SVEP1: variants seen among roughly 807,000 people sequenced by gnomAD.
SVEP1 encodes sushi, von Willebrand factor type A, EGF and pentraxin domain-containing protein 1.
Under a neutral mutation model 367.3 loss-of-function variants are expected in SVEP1, and 164 were observed. The ratio of observed to expected loss-of-function variants is 0.45; its 90% CI spans 0.39 to 0.51. The LOEUF is 0.51. Among genes scored for constraint, SVEP1 ranks in the 20% least tolerant of loss-of-function variants. The pLI, the probability that SVEP1 is intolerant of heterozygous loss-of-function variation, is 0.00. For synonymous variants in SVEP1, 1,666 were observed against 1,611.6 expected (o/e 1.03, Z -0.81); for missense variants, 4,117 against 4,425.3 (o/e 0.93, Z 1.98).
intron 3 of SVEP1, among the ~76,000 whole-genome samples, chr9:110,545,358 G>A (rs1830206675): frequency 6.6e-6 from 1 of 152,098 alleles, no homozygotes; most frequent in Non-Finnish European, 1.5e-5. Context: ...TTTCCATAAT[G>A]GCTATGCTAA....
chr9:110,367,966 A>G (rs1827223590), intron 47 of SVEP1, among the ~76,000 whole-genome samples: 1 of 152,178 alleles, frequency 6.6e-6, no homozygotes, highest in South Asian at 2.1e-4. Context: ...CTGTAGTCCC[A>G]GCTACTCAGG....
chr9:110,528,156 G>GTATGTATA (rs1554721448), intron 3 of SVEP1, among the ~76,000 whole-genome samples: 1 of 33,940 alleles, frequency 2.9e-5, no homozygotes, highest in African/African-American at 1.1e-4. Flanking sequence ...GTGTGTGTGT[G>GTATGTATA]TATATATATA....
In SVEP1 at chr9:110,469,077, T is replaced by C. The variant is rs773177245; in HGVS notation, c.3023A>G (p.Tyr1008Cys). 24 of 1,613,144 alleles carry C rather than the reference T, an allele frequency of 1.5e-5. No homozygotes were observed. The South Asian group carries it at 2.5e-4, about 17-fold the overall frequency. ...MCVNCPLGTY[Y>C]NLEHFTCESC... Reference sequence around the variant, plus strand: ...TTCACAGGTGAAATGTTCCAGATTATAATAGGTTCCCAAAGGGCAATTGAC... The same window carrying C: ...TTCACAGGTGAAATGTTCCAGATTACAATAGGTTCCCAAAGGGCAATTGAC... Residue 1008 changes from tyrosine (Y) to cysteine (C), a missense_variant, in exon 17 of 48, where the codon TAT (tyrosine) becomes TGT (cysteine). Around this residue, in one of 4 missense-constraint regions of SVEP1, gnomAD observed 2,174 missense variants for 2,494.3 expected, o/e 0.87. Coordinates refer to ENST00000374469, the MANE Select transcript of SVEP1 (RefSeq NM_153366.4).
At position 110,404,535 on chromosome 9, in the gene SVEP1, G is replaced by T; in HGVS notation, c.9458C>A (p.Thr3153Lys). 6.2e-7 allele frequency: 1 copy of T among 1,613,892 alleles called. No homozygotes were observed. The highest frequency in any genetic ancestry group is 8.5e-7 in the Non-Finnish European group (1 of 1,179,864). ...GAATGTATCTGTATCTGTATCCATCGTATAACCTTCCAGACATCTGCAATG... is the reference window on the plus strand; with the variant it reads ...GAATGTATCTGTATCTGTATCCATCTTATAACCTTCCAGACATCTGCAATG... ...EVKLRCLEGY[T>K]MDTDTDTFTC... The change falls in exon 39 of 48, where the codon ACG (threonine) becomes AAG (lysine). Residue 3153 changes from threonine (T) to lysine (K), a missense_variant. Physicochemically the swap from Thr to Lys is moderately conservative, Grantham distance 78 (BLOSUM62 -1). This residue lies in a region of SVEP1 where 1,765 missense variants were observed against 1,781.1 expected (regional missense o/e 0.99). Transcript: ENST00000374469.
In SVEP1 at chr9:110,375,465, T is replaced by TAAA. The variant is rs71373993; in HGVS notation, c.10505-5_10505-3dup. 6,616 of 553,766 alleles carry TAAA rather than the reference T, an allele frequency of 0.012. 350 individuals are homozygous for TAAA. Among genetic ancestry groups the TAAA allele is most frequent in the South Asian group, 0.018 (705 of 38,796 alleles). The allele number at this position is 553,766 out of a possible 1,614,324, so 34.3% of individuals were successfully genotyped here. On this transcript the variant is annotated splice_region_variant and splice_polypyrimidine_tract_variant and intron_variant, in intron 45 of 47. Transcript: ENST00000374469. ...TCAGACAGGGAAGAATGCAGATTGC[T>TAAA]AAAAAAAAAAAAAAAAAAAAAAAAA...
At chr9:110,441,594 G>C (rs918790899) in intron 27 of SVEP1, among the ~76,000 whole-genome samples, 1 of 152,232 alleles carries the variant, frequency 6.6e-6, no homozygotes, top group East Asian at 1.9e-4. Context: ...GGATCTGTCT[G>C]TATGTTTCAT....
chr9:110,488,485 T>C (rs1829319244), intron 9 of SVEP1, among the ~76,000 whole-genome samples: 1 of 150,908 alleles, frequency 6.6e-6, no homozygotes, highest in Non-Finnish European at 1.5e-5. Context: ...GTAAAAATAA[T>C]GGAGGGAAAA....
chr9:110,390,024 T>TAC lies in SVEP1; in HGVS notation c.9823-438_9823-437insGT, dbSNP rs1827605582. Among the ~76,000 whole-genome samples the TAC allele has an allele frequency of 5.6e-5, 6 of 107,920 alleles. No homozygotes were observed. The South Asian group carries it at 2.2e-3, about 39-fold the overall frequency. The allele number at this position is 107,920 out of a possible 152,430, so 70.8% of individuals were successfully genotyped here. On this transcript the variant is annotated intron_variant, in intron 40 of 47. Transcript: ENST00000374469. ...ATGTATACACATAAGTGTGTGTGTGTGTGTATATATATATAAGTATATATA... is the reference window on the plus strand; with the variant it reads ...ATGTATACACATAAGTGTGTGTGTGTACGTGTATATATATATAAGTATATATA...
chr9:110,450,533 G>A (rs528546937), intron 23 of SVEP1, among the ~76,000 whole-genome samples: 1 of 144,342 alleles, frequency 6.9e-6, no homozygotes, highest in Non-Finnish European at 1.5e-5. Context: ...ACAGTGGCGC[G>A]ATCTCGGCTC....
chr9:110,385,781 G>A, intron 43 of SVEP1, 117 bp downstream of exon 43: 1 of 1,078,876 alleles, frequency 9.3e-7, no homozygotes, highest in Non-Finnish European at 1.3e-6. Flanking sequence ...GATGATAACT[G>A]TGATAGCACA....
chr9:110,423,602 T>C (rs1828209135), intron 36 of SVEP1, among the ~76,000 whole-genome samples: 1 of 152,026 alleles, frequency 6.6e-6, no homozygotes, highest in Non-Finnish European at 1.5e-5. Context: ...TATGGAAAAA[T>C]GTCTTAAGCC....
chr9:110,394,396 T>C (rs1037079533), intron 40 of SVEP1, among the ~76,000 whole-genome samples: 1 of 151,740 alleles, frequency 6.6e-6, no homozygotes. Context: ...ACCACAAAGA[T>C]GGGAAAAAAA....
At chr9:110,428,192 A>G (rs1828283012) in intron 35 of SVEP1, among the ~76,000 whole-genome samples, 1 of 152,162 alleles carries the variant, frequency 6.6e-6, no homozygotes, top group African/African-American at 2.4e-5. Context: ...CATTTGAACC[A>G]TGCTGCCCCT....
chr9:110,564,109 C>T lies in SVEP1; in HGVS notation c.532-14005G>A, dbSNP rs145591535. On this transcript the variant is annotated intron_variant, in intron 1 of 47. Coordinates refer to ENST00000374469, the MANE Select transcript of SVEP1 (RefSeq NM_153366.4). ...TTGATTGACTGGACTGCAAAAAATA[C>T]GAGCTACGAAGAGAAGAAATAATTT... 1.4e-4 allele frequency among the ~76,000 whole-genome samples: 21 copies of T among 152,212 alleles called. No individual in the cohort carries two copies. The East Asian group carries it at 1.7e-3, about 13-fold the overall frequency.
At chr9:110,444,558 G>A (rs553887086) in intron 26 of SVEP1, among the ~76,000 whole-genome samples, 1 of 152,308 alleles carries the variant, frequency 6.6e-6, no homozygotes, top group Non-Finnish European at 1.5e-5. Flanking sequence ...GAAACAACAA[G>A]GATGGCCAGC....
chr9:110,367,201 C>T (rs550605325), intron 47 of SVEP1, among the ~76,000 whole-genome samples: 127 of 152,296 alleles, frequency 8.3e-4, no homozygotes, highest in African/African-American at 3.0e-3. Flanking sequence ...ACTCTGTTGC[C>T]GAGGCTAGAG....
At chr9:110,401,073 TG>T in intron 39 of SVEP1, 64 bp from the exon 40 acceptor site, 1 of 1,577,496 alleles carries the variant, frequency 6.3e-7, no homozygotes, top group Admixed American at 1.9e-5. Context: ...TGAAGAAATT[TG>T]CAAATATTGG....
In SVEP1 at chr9:110,380,489, T is replaced by G. The variant is rs562429989; in HGVS notation, c.10238-972A>C. On this transcript the variant is annotated intron_variant, in intron 43 of 47. Transcript: ENST00000374469. ...AGAAATCAGAAGGAAATAAATGAAT[T>G]ATGTTTATTGATTTGCATATGTTAA... Among the ~76,000 whole-genome samples the G allele has an allele frequency of 3.3e-4, 50 of 152,230 alleles. 1 individual carries two copies. The South Asian group carries it at 0.01, about 31-fold the overall frequency.
At chr9:110,423,836 A>G (rs140214500) in intron 36 of SVEP1, among the ~76,000 whole-genome samples, 9 of 152,356 alleles carry the variant, frequency 5.9e-5, no homozygotes, top group Non-Finnish European at 1.5e-5. Flanking sequence ...CATCCCTAGA[A>G]TAAGAAATAT....
Sources: gnomAD v4.1 joint callset for allele counts (sites outside exome capture counted in the v4.1 genomes callset) on GRCh38, gnomAD v4.1.1 for gene constraint, gnomAD v4.1.1 regional missense constraint, MANE v1.5 for transcripts, NCBI Gene and HGNC (gene_info 2026-07-23, HGNC 2026-07-21) for gene names.